The following POU6F1 variants were observed in gnomAD, a reference collection of about 807,000 sequenced individuals.
The protein encoded by POU6F1 is POU class 6 homeobox 1, also known as POU domain, class 6, transcription factor 1.
POU6F1 carries 9 observed loss-of-function variants against 28.9 expected under a neutral mutation model. The observed-to-expected ratio is 0.31, with a 90% CI of 0.19 to 0.54. The LOEUF is 0.54. Ranked by LOEUF, POU6F1 falls within the 20% of genes least tolerant of loss-of-function variation. The pLI is 0.94. For synonymous variants in POU6F1, 173 were observed against 171.1 expected, an observed-to-expected ratio of 1.01 and a Z score of -0.09; for missense variants, 338 against 426.1, an observed-to-expected ratio of 0.79 and a Z score of 1.82.
chr12:51,193,681 A>G (rs1418860851), intron 8 of POU6F1, among the ~76,000 whole-genome samples: 2 of 152,354 alleles, frequency 1.3e-5, no homozygotes, highest in East Asian at 3.9e-4. Context: ...TTGCACATAA[A>G]GTGAGCTATC....
intron 5 of POU6F1, 56 bp downstream of exon 5, chr12:51,198,494 G>A (rs759329585): frequency 3.3e-5 from 13 of 399,138 alleles, no homozygotes; most frequent in South Asian, 1.3e-4. Context: ...GCACACGTGC[G>A]GGGGTGTAGT....
chr12:51,203,074 T>C (rs1352544986), intron 3 of POU6F1, among the ~76,000 whole-genome samples: 1 of 152,050 alleles, frequency 6.6e-6, no homozygotes, highest in Non-Finnish European at 1.5e-5. Flanking sequence ...CTAAAATTCC[T>C]TTATAGAGGA....
chr12:51,196,284 C>G (rs1476974663), intron 7 of POU6F1, 111 bp from the exon 8 acceptor site: 2 of 895,122 alleles, frequency 2.2e-6, no homozygotes, highest in Non-Finnish European at 3.3e-6. Context: ...ATCCCTCAAC[C>G]TGCTCTGGCC....
intron 1 of POU6F1, among the ~76,000 whole-genome samples, chr12:51,216,701 A>C (rs751608501): frequency 1.3e-5 from 2 of 152,244 alleles, no homozygotes; most frequent in Non-Finnish European, 2.9e-5. Flanking sequence ...GGACACATGT[A>C]TATGAACAAT....
At chr12:51,210,807 G>C (rs1427060916) in intron 1 of POU6F1, among the ~76,000 whole-genome samples, 1 of 152,184 alleles carries the variant, frequency 6.6e-6, no homozygotes, top group Non-Finnish European at 1.5e-5. Flanking sequence ...AGGCAGAGCA[G>C]AGTCCAAGAC....
rs1942848203 is a variant in POU6F1, at chr12:51,196,674, G to T, written c.975+125C>A. On this transcript the variant is annotated intron_variant, in intron 7 of 10. Coordinates refer to ENST00000333640, the MANE Select transcript of POU6F1 (RefSeq NM_001330422.2). ...AGCATCGGCAGAAAGCCGCCGCAGA[G>T]GAGATAGGAACAACAGCTTGACGTC... 5 of 1,208,058 alleles carry T rather than the reference G, an allele frequency of 4.1e-6. No homozygotes were observed. In the African/African-American group the frequency reaches 7.5e-5, roughly 18 times the overall value. 74.8% of individuals were successfully genotyped at this position (1,208,058 alleles called of 1,614,324 possible).
intron 9 of POU6F1, 94 bp downstream of exon 9, chr12:51,192,236 C>G: frequency 6.7e-7 from 1 of 1,502,836 alleles, no homozygotes; most frequent in South Asian, 1.3e-5. Context: ...CCCTCTGGAC[C>G]CCAGGATATC....
intron 2 of POU6F1, 114 bp from the exon 3 acceptor site, chr12:51,204,482 C>T: frequency 2.5e-6 from 1 of 397,400 alleles, no homozygotes; most frequent in African/African-American, 2.1e-5. Flanking sequence ...TGCAGACCTC[C>T]TGTCCAGAGG....
Position 51,210,302 on chromosome 12 carries a change from T to G in POU6F1, c.-47-3419A>C, listed in dbSNP as rs188101590. On this transcript the variant is annotated intron_variant, in intron 1 of 10. Transcript: ENST00000333640. ...GAAAGTCGTTACACATAGAAGCCAT[T>G]TGCAAAGAAAATAAGAGGAAGAGAC... 7.2e-5 allele frequency among the ~76,000 whole-genome samples: 11 copies of G among 152,170 alleles called. No individual in the cohort carries two copies. The East Asian group carries it at 1.9e-3, about 27-fold the overall frequency.
intron 5 of POU6F1, 30 bp from the exon 6 acceptor site, chr12:51,198,053 C>A: frequency 2.5e-6 from 1 of 399,114 alleles, no homozygotes; most frequent in South Asian, 1.3e-4. Flanking sequence ...CAGAGGTGCT[C>A]AAATGCCTAG....
At chr12:51,201,802 A>C (rs1943225855) in intron 3 of POU6F1, 1 of 151,934 alleles carries the variant, frequency 6.6e-6, no homozygotes, top group African/African-American at 2.4e-5. Context: ...GACTAAATGA[A>C]CTCACAGAAA....
Position 51,191,677 on chromosome 12 carries a change from G to T in POU6F1, c.1409C>A (p.Ser470Ter). The T allele has an allele frequency of 6.2e-7, 1 of 1,614,184 alleles. No homozygotes were observed. Among genetic ancestry groups the T allele is most frequent in the Non-Finnish European group, 8.5e-7 (1 of 1,180,034 alleles). ...CACCTGGGTCTGTGTAAGGCCCAGCGAGAGCCGCCGGATCTTAAAGTTCTT... is the reference window on the plus strand; with the variant it reads ...CACCTGGGTCTGTGTAAGGCCCAGCTAGAGCCGCCGGATCTTAAAGTTCTT... ...FAKNFKIRRLSLGLTQTQVGQ... is the reference protein window; with the variant it reads ...FAKNFKIRRL Residue 470 changes from serine to a stop codon, truncating the protein, a stop_gained, in exon 10 of 11, where the codon TCG (serine) becomes TAG (stop). Transcript: ENST00000333640. LOFTEE classifies it high-confidence loss of function.
At position 51,197,750 on chromosome 12, in the gene POU6F1, G is replaced by A; in HGVS notation, c.846+20C>T. 1 of 399,744 alleles carries A rather than the reference G, an allele frequency of 2.5e-6. No homozygotes were observed. The highest frequency in any genetic ancestry group is 4.4e-6 in the Non-Finnish European group (1 of 226,450). 24.8% of individuals were successfully genotyped at this position (399,744 alleles called of 1,614,324 possible). ...ATTCCGTCCATCCCTGGTCAGCCCT[G>A]GGTGAGGGCAGCAGCTTACGATTCC... On this transcript the variant is annotated intron_variant, in intron 6 of 10. Transcript: ENST00000333640.
chr12:51,214,921 T>G lies in POU6F1; in HGVS notation c.-48+2721A>C, dbSNP rs912310808. Among the ~76,000 whole-genome samples the G allele has an allele frequency of 2.6e-5, 4 of 151,782 alleles. No homozygotes were observed. In the South Asian group the frequency reaches 8.3e-4, roughly 32 times the overall value. Reference sequence around the variant, plus strand: ...CTGCAGTGAGCCAAGATTGTGCCACTGCACCCCATCCTGGGTGACAGCAGA... The same window carrying G: ...CTGCAGTGAGCCAAGATTGTGCCACGGCACCCCATCCTGGGTGACAGCAGA... On this transcript the variant is annotated intron_variant, in intron 1 of 10. Transcript: ENST00000333640.
intron 1 of POU6F1, among the ~76,000 whole-genome samples, chr12:51,208,728 G>A (rs1046030455): frequency 1.4e-4 from 22 of 152,188 alleles, no homozygotes; most frequent in African/African-American, 4.8e-4. Flanking sequence ...CTTGAGCCCA[G>A]GAGTTCGAGA....
At chr12:51,210,917 T>C (rs142339480) in intron 1 of POU6F1, among the ~76,000 whole-genome samples, 30 of 152,360 alleles carry the variant, frequency 2.0e-4, no homozygotes, top group African/African-American at 4.6e-4. Flanking sequence ...CTCTGACAAG[T>C]AGACACTCAG....
intron 2 of POU6F1, among the ~76,000 whole-genome samples, chr12:51,206,491 T>G (rs1291346837): frequency 7.2e-6 from 1 of 139,552 alleles, no homozygotes; most frequent in Non-Finnish European, 1.6e-5. Context: ...AAAAAAAAAA[T>G]TAGAAAATAT....
In POU6F1 at chr12:51,187,432, T is replaced by C. The variant is rs1302517567; in HGVS notation, c.*2815A>G. On this transcript the variant is annotated 3_prime_UTR_variant, in exon 11 of 11. Transcript: ENST00000333640. ...GTATACCAACTCCTTCAGAGCCTGA[T>C]GCTAACAAAAAATAAAATAAACCTA... is the stretch of plus-strand genomic sequence containing the variant. 2.0e-5 allele frequency: 3 copies of C among 152,174 alleles called. No individual in the cohort carries two copies. The East Asian group carries it at 5.8e-4, about 29-fold the overall frequency. 9.4% of individuals were successfully genotyped at this position (152,174 alleles called of 1,614,324 possible). A position where few individuals can be genotyped will look rare whatever the true frequency, so the allele number is the denominator to read the frequency against.
chr12:51,214,677 C>T (rs1944195381), intron 1 of POU6F1, among the ~76,000 whole-genome samples: 1 of 152,162 alleles, frequency 6.6e-6, no homozygotes, highest in Non-Finnish European at 1.5e-5. Context: ...GTAGCTCACA[C>T]CTGTAATCCC....
Sources: allele counts gnomAD v4.1 joint callset (sites outside exome capture counted in the v4.1 genomes callset), GRCh38; gene constraint gnomAD v4.1.1; transcripts MANE v1.5; gene names NCBI Gene and HGNC (gene_info 2026-07-23, HGNC 2026-07-21).